The following PPP3CA variants were observed in gnomAD, a reference collection of about 807,000 sequenced individuals.
PPP3CA encodes the protein protein phosphatase 3 catalytic subunit alpha.
Under a neutral mutation model 66.5 loss-of-function variants are expected in PPP3CA, and 14 were observed. The ratio of observed to expected loss-of-function variants is 0.21; its 90% CI spans 0.14 to 0.33. The LOEUF (loss-of-function observed/expected upper bound fraction) is 0.33. Ranked by LOEUF, PPP3CA falls within the 10% of genes least tolerant of loss-of-function variation. The pLI, the probability that PPP3CA is intolerant of heterozygous loss-of-function variation, is 1.00. For synonymous variants in PPP3CA, 232 were observed against 226.2 expected, an observed-to-expected ratio of 1.03 and a Z score of -0.23; for missense variants, 317 against 639.5, an observed-to-expected ratio of 0.50 and a Z score of 5.44.
intron 1 of PPP3CA, among the ~76,000 whole-genome samples, chr4:101,201,753 T>C (rs1480649387): frequency 2.0e-5 from 3 of 152,250 alleles, no homozygotes; most frequent in South Asian, 4.1e-4. Flanking sequence ...GCATATCACA[T>C]GTCAGACACA....
At chr4:101,103,469 C>T (rs1578448651) in intron 3 of PPP3CA, among the ~76,000 whole-genome samples, 1 of 152,172 alleles carries the variant, frequency 6.6e-6, no homozygotes, top group Non-Finnish European at 1.5e-5. Context: ...ACTATATAGA[C>T]GACTGGCTAC....
At chr4:101,200,180 T>C (rs1724923710) in intron 1 of PPP3CA, among the ~76,000 whole-genome samples, 1 of 152,184 alleles carries the variant, frequency 6.6e-6, no homozygotes, top group South Asian at 2.1e-4. Context: ...GGGATTCCAC[T>C]ATTTAATAGG....
intron 1 of PPP3CA, among the ~76,000 whole-genome samples, chr4:101,283,904 G>A (rs371777475): frequency 4.6e-5 from 7 of 152,080 alleles, no homozygotes; most frequent in African/African-American, 1.2e-4. Flanking sequence ...CCGACGTTTC[G>A]GTTACTCCCA....
chr4:101,204,172 A>AT (rs1200431925), intron 1 of PPP3CA, among the ~76,000 whole-genome samples: 1 of 151,658 alleles, frequency 6.6e-6, no homozygotes, highest in Non-Finnish European at 1.5e-5. Context: ...CACCTGACTA[A>AT]TTTTTTTAAT....
At chr4:101,179,178 G>A (rs1263082585) in intron 2 of PPP3CA, among the ~76,000 whole-genome samples, 2 of 152,130 alleles carry the variant, frequency 1.3e-5, no homozygotes, top group Non-Finnish European at 2.9e-5. Context: ...CAAAAGAGGT[G>A]TCCAGGTCAT....
At chr4:101,249,599 T>C (rs1475842165) in intron 1 of PPP3CA, among the ~76,000 whole-genome samples, 1 of 152,176 alleles carries the variant, frequency 6.6e-6, no homozygotes, top group Non-Finnish European at 1.5e-5. Context: ...TATTTCAATT[T>C]CCTGACATTT....
intron 13 of PPP3CA, among the ~76,000 whole-genome samples, chr4:101,027,174 A>G (rs1224777381): frequency 6.6e-6 from 1 of 152,084 alleles, no homozygotes; most frequent in African/African-American, 2.4e-5. Context: ...TTTCAGGGCC[A>G]ATCACCAATG....
intron 6 of PPP3CA, among the ~76,000 whole-genome samples, chr4:101,084,501 G>T (rs1729572042): frequency 6.6e-6 from 1 of 152,004 alleles, no homozygotes; most frequent in Admixed American, 6.6e-5. Context: ...AAACTAGCCA[G>T]GCTTAGGGGT....
At chr4:101,207,463 A>G in intron 1 of PPP3CA, among the ~76,000 whole-genome samples, 1 of 152,230 alleles carries the variant, frequency 6.6e-6, no homozygotes, top group Middle Eastern at 3.2e-3. Flanking sequence ...ACAGGCTACC[A>G]GTCAAAGTGA....
chr4:101,185,160 A>T (rs1724371812), intron 2 of PPP3CA, among the ~76,000 whole-genome samples: 1 of 150,798 alleles, frequency 6.6e-6, no homozygotes, highest in Non-Finnish European at 1.5e-5. Flanking sequence ...AATTCTTCTA[A>T]CTAGGAAAAA....
At chr4:101,118,640 A>T (rs1362352534) in intron 2 of PPP3CA, among the ~76,000 whole-genome samples, 1 of 151,832 alleles carries the variant, frequency 6.6e-6, no homozygotes, top group Non-Finnish European at 1.5e-5. Flanking sequence ...TTTCTTATTC[A>T]TTCTGCTTGA....
intron 1 of PPP3CA, among the ~76,000 whole-genome samples, chr4:101,245,913 G>C (rs1726461779): frequency 6.6e-6 from 1 of 151,908 alleles, no homozygotes; most frequent in Non-Finnish European, 1.5e-5. Context: ...CACTACCCTG[G>C]CTTTCAATTC....
At chr4:101,316,521 G>A (rs2110316713) in intron 1 of PPP3CA, among the ~76,000 whole-genome samples, 1 of 152,228 alleles carries the variant, frequency 6.6e-6, no homozygotes, top group South Asian at 2.1e-4. Context: ...GTTTTCCCAA[G>A]GTTAGAATAC....
intron 1 of PPP3CA, among the ~76,000 whole-genome samples, chr4:101,285,332 T>C (rs1727805307): frequency 6.6e-6 from 1 of 152,176 alleles, no homozygotes; most frequent in South Asian, 2.1e-4. Context: ...AACCATCCCT[T>C]CCATTAAAGA....
intron 1 of PPP3CA, among the ~76,000 whole-genome samples, chr4:101,300,272 T>C (rs916175129): frequency 2.6e-5 from 4 of 152,284 alleles, no homozygotes; most frequent in Admixed American, 1.3e-4. Flanking sequence ...ATATAAACAC[T>C]TGGTATCCAG....
At chr4:101,246,580 A>C (rs990279512) in intron 1 of PPP3CA, among the ~76,000 whole-genome samples, 1 of 152,216 alleles carries the variant, frequency 6.6e-6, no homozygotes, top group Non-Finnish European at 1.5e-5. Flanking sequence ...TATAGGTTAA[A>C]GTATTTATTT....
intron 2 of PPP3CA, among the ~76,000 whole-genome samples, chr4:101,125,733 C>G (rs978335099): frequency 1.8e-4 from 27 of 152,262 alleles, no homozygotes; most frequent in African/African-American, 5.5e-4. Context: ...GTTCTTACTT[C>G]AGCAATCTTG....
At chr4:101,339,583 C>T (rs1729743144) in intron 1 of PPP3CA, among the ~76,000 whole-genome samples, 1 of 152,158 alleles carries the variant, frequency 6.6e-6, no homozygotes, top group South Asian at 2.1e-4. Flanking sequence ...TCCAATTCGC[C>T]AGTCACCATA....
chr4:101,169,654 T>C (rs1477794192), intron 2 of PPP3CA, among the ~76,000 whole-genome samples: 1 of 152,084 alleles, frequency 6.6e-6, no homozygotes, highest in Non-Finnish European at 1.5e-5. Context: ...GTTCTATAGG[T>C]GAATATGTTT....
Sources: allele counts gnomAD v4.1 joint callset (sites outside exome capture counted in the v4.1 genomes callset), GRCh38; gene constraint gnomAD v4.1.1; transcripts MANE v1.5; gene names NCBI Gene and HGNC (gene_info 2026-07-23, HGNC 2026-07-21).